The following UNC79 variants were observed in gnomAD, a reference collection of about 807,000 sequenced individuals.
UNC79 encodes protein unc-79 homolog.
UNC79 carries 37 observed loss-of-function variants against 283.1 expected under a neutral mutation model. The ratio of observed to expected loss-of-function variants is 0.13; its 90% CI spans 0.10 to 0.17. The LOEUF (loss-of-function observed/expected upper bound fraction) is 0.17. UNC79 is among the 10% of genes least tolerant of loss of function. The pLI is 1.00. For synonymous variants in UNC79, 1,107 were observed against 1,200.2 expected, an observed-to-expected ratio of 0.92 and a Z score of 1.61; for missense variants, 2,272 against 3,211.1, an observed-to-expected ratio of 0.71 and a Z score of 7.07.
intron 1 of UNC79, among the ~76,000 whole-genome samples, chr14:93,459,962 G>A (rs1327484742): frequency 4.4e-5 from 5 of 113,064 alleles, no homozygotes; most frequent in Non-Finnish European, 8.9e-5. Context: ...GAGCCACCGC[G>A]CCCGGCCCTA....
chr14:93,620,135 C>G (rs118153584), intron 29 of UNC79, among the ~76,000 whole-genome samples: 1,997 of 152,304 alleles, frequency 0.013, 23 homozygotes, highest in Middle Eastern at 0.027. Flanking sequence ...GATTAGGGAT[C>G]ATAAGTGTCA....
chr14:93,584,474 CTTG>C (rs1435900211), intron 20 of UNC79, among the ~76,000 whole-genome samples: 5 of 152,166 alleles, frequency 3.3e-5, no homozygotes, highest in Non-Finnish European at 7.3e-5. Flanking sequence ...GATTAATTAA[CTTG>C]TTGTAGGTGC....
chr14:93,656,788 T>TA (rs2070988200), intron 38 of UNC79, among the ~76,000 whole-genome samples: 1 of 152,202 alleles, frequency 6.6e-6, no homozygotes. Flanking sequence ...TAATGAGCCA[T>TA]ATTTGTGCCA....
At chr14:93,599,464 A>G (rs978720140) in intron 24 of UNC79, among the ~76,000 whole-genome samples, 1 of 152,224 alleles carries the variant, frequency 6.6e-6, no homozygotes, top group Non-Finnish European at 1.5e-5. Context: ...GCAAGCTTGC[A>G]CGACCTGAAA....
intron 1 of UNC79, among the ~76,000 whole-genome samples, chr14:93,355,435 G>C (rs2054066927): frequency 6.6e-6 from 1 of 152,102 alleles, no homozygotes; most frequent in Non-Finnish European, 1.5e-5. Flanking sequence ...TTGACCTCGT[G>C]ATCGGCCTGC....
At chr14:93,705,104 A>G (rs1465427378) in intron 48 of UNC79, among the ~76,000 whole-genome samples, 1 of 152,024 alleles carries the variant, frequency 6.6e-6, no homozygotes, top group Non-Finnish European at 1.5e-5. Flanking sequence ...CTGTGGTGGC[A>G]TGCACCTGTG....
intron 1 of UNC79, among the ~76,000 whole-genome samples, chr14:93,421,072 C>T (rs1246046509): frequency 6.6e-6 from 1 of 151,076 alleles, no homozygotes; most frequent in South Asian, 2.2e-4. Flanking sequence ...AAACCAAACC[C>T]AAAATTTTTA....
chr14:93,683,608 C>G (rs1402693548), intron 42 of UNC79, among the ~76,000 whole-genome samples: 1 of 151,912 alleles, frequency 6.6e-6, no homozygotes, highest in Non-Finnish European at 1.5e-5. Context: ...TATGCCATAG[C>G]TAAAAAAATA....
rs1178614043 is a variant in UNC79, at chr14:93,621,474, A to G, written c.4388-147A>G. On this transcript the variant is annotated intron_variant, in intron 29 of 48. Coordinates refer to ENST00000555664, the Ensembl canonical transcript of UNC79. The surrounding 1 kb of genome is among the most constrained non-coding windows in gnomAD (Gnocchi z 4.8). ...AGTTTTTGAAATTAGAACGAACCTT[A>G]CAAAAACTTGGCCAGAAAGTTCGTT... 2 of 1,053,898 alleles carry G rather than the reference A, an allele frequency of 1.9e-6. No homozygotes were observed. Among genetic ancestry groups the G allele is most frequent in the African/African-American group, 3.2e-5 (2 of 61,642 alleles). 65.3% of individuals were successfully genotyped at this position (1,053,898 alleles called of 1,614,324 possible).
intron 1 of UNC79, among the ~76,000 whole-genome samples, chr14:93,399,214 C>G (rs1277738339): frequency 7.9e-5 from 12 of 152,126 alleles, no homozygotes; most frequent in Non-Finnish European, 1.5e-5. Context: ...CCTCCCTCTA[C>G]ATGTGGGGAT....
intron 1 of UNC79, among the ~76,000 whole-genome samples, chr14:93,466,538 C>T (rs1002696622): frequency 6.6e-6 from 1 of 152,324 alleles, no homozygotes; most frequent in East Asian, 1.9e-4. Flanking sequence ...CTCTAAGGTC[C>T]TTCCAGTTCT....
chr14:93,411,500 G>A (rs953021965), intron 1 of UNC79, among the ~76,000 whole-genome samples: 1 of 152,262 alleles, frequency 6.6e-6, no homozygotes, highest in Non-Finnish European at 1.5e-5. Flanking sequence ...TTGAGGCCCA[G>A]TGCTGTGCTG....
chr14:93,679,280 G>T (rs1408192694), intron 41 of UNC79, among the ~76,000 whole-genome samples: 1 of 152,096 alleles, frequency 6.6e-6, no homozygotes, highest in African/African-American at 2.4e-5. Context: ...CTAACATGGT[G>T]AAACCCCGTC....
At chr14:93,473,153 G>A (rs2057611717) in intron 2 of UNC79, among the ~76,000 whole-genome samples, 1 of 151,438 alleles carries the variant, frequency 6.6e-6, no homozygotes, top group Admixed American at 6.6e-5. Flanking sequence ...TTAGTCTTTA[G>A]TGAGTTTTGT....
intron 19 of UNC79, among the ~76,000 whole-genome samples, chr14:93,580,860 C>G (rs957836733): frequency 6.6e-6 from 1 of 152,084 alleles, no homozygotes; most frequent in African/African-American, 2.4e-5. Context: ...TGCCCACCAC[C>G]ATGCCTGGCT....
chr14:93,687,400 A>G (rs557364513), intron 43 of UNC79, among the ~76,000 whole-genome samples: 2 of 152,320 alleles, frequency 1.3e-5, no homozygotes, highest in East Asian at 3.9e-4. Flanking sequence ...GGGAGCTAAA[A>G]GATGAATAGT....
At chr14:93,524,484 A>C (rs188706718) in intron 8 of UNC79, among the ~76,000 whole-genome samples, 23 of 152,236 alleles carry the variant, frequency 1.5e-4, no homozygotes, top group Non-Finnish European at 3.1e-4. Flanking sequence ...GACTTAACTG[A>C]AATGACTGAA....
chr14:93,617,426 T>C lies in UNC79; in HGVS notation c.4224+122T>C. ...AGAAGTTTGACCTTCAGAAGGAAGA[T>C]CAGGATATGCAATTACTGTTAAGAA... is the stretch of plus-strand genomic sequence containing the variant. On this transcript the variant is annotated intron_variant, in intron 28 of 48. Coordinates refer to ENST00000555664, the Ensembl canonical transcript of UNC79. The surrounding 1 kb of genome is among the most constrained non-coding windows in gnomAD (Gnocchi z 4.5). 9.4e-7 allele frequency: 1 copy of C among 1,061,398 alleles called. No individual in the cohort carries two copies. Among genetic ancestry groups the C allele is most frequent in the Admixed American group, 2.7e-5 (1 of 37,584 alleles). The allele number at this position is 1,061,398 out of a possible 1,614,324, so 65.7% of individuals were successfully genotyped here.
intron 20 of UNC79, among the ~76,000 whole-genome samples, chr14:93,584,555 A>T (rs1421679701): frequency 1.3e-5 from 2 of 152,208 alleles, no homozygotes; most frequent in Non-Finnish European, 2.9e-5. Context: ...GGAAGCTGGG[A>T]CTTCACTCAT....
Sources: gnomAD v4.1 joint callset for allele counts (sites outside exome capture counted in the v4.1 genomes callset) on GRCh38, gnomAD v4.1.1 for gene constraint, Gnocchi (gnomAD v3.1) non-coding constraint, MANE v1.5 for transcripts, NCBI Gene and HGNC (gene_info 2026-07-23, HGNC 2026-07-21) for gene names.